Variants in LRP1B observed in about 807,000 individuals in gnomAD.
LRP1B encodes low-density lipoprotein receptor-related protein 1B.
In LRP1B, 217 loss-of-function variants were observed where a neutral mutation model predicts 556.6. The observed-to-expected ratio is 0.39, with a 90% CI of 0.35 to 0.44. LRP1B has a LOEUF of 0.44. LRP1B is among the 20% of genes least tolerant of loss of function. LRP1B has a pLI of 1.00. For synonymous variants in LRP1B, 2,047 were observed against 1,865.8 expected, an observed-to-expected ratio of 1.10 and a Z score of -2.50; for missense variants, 5,053 against 5,620.8, an observed-to-expected ratio of 0.90 and a Z score of 3.23.
At chr2:140,405,291 T>C (rs1002312318) in intron 66 of LRP1B, among the ~76,000 whole-genome samples, 1 of 152,048 alleles carries the variant, frequency 6.6e-6, no homozygotes, top group African/African-American at 2.4e-5. Context: ...CAACCTAATG[T>C]CACACCTCAA....
chr2:141,385,431 G>C (rs888815106), intron 3 of LRP1B, among the ~76,000 whole-genome samples: 1 of 152,172 alleles, frequency 6.6e-6, no homozygotes, highest in Non-Finnish European at 1.5e-5. Flanking sequence ...TTTGGATAAG[G>C]TACACTTAAC....
At chr2:141,473,481 G>A (rs1335965744) in intron 3 of LRP1B, among the ~76,000 whole-genome samples, 1 of 152,072 alleles carries the variant, frequency 6.6e-6, no homozygotes, top group African/African-American at 2.4e-5. Flanking sequence ...GTAGTGTTAA[G>A]GGTCATAGCC....
chr2:141,452,662 A>G (rs1318470004), intron 3 of LRP1B, among the ~76,000 whole-genome samples: 1 of 152,138 alleles, frequency 6.6e-6, no homozygotes, highest in East Asian at 1.9e-4. Flanking sequence ...GGTACCTGCA[A>G]TGTTGTCCAT....
In LRP1B at chr2:141,288,419, A is replaced by T. The variant is rs563475266; in HGVS notation, c.344-33778T>A. ...GCAGTGAAAATGCATATTTCCATCT[A>T]TTAAAATTCCAAATAAGTAAAGTGA... On this transcript the variant is annotated intron_variant, in intron 3 of 90. Coordinates refer to ENST00000389484, the MANE Select transcript of LRP1B (RefSeq NM_018557.3). 5.3e-5 allele frequency among the ~76,000 whole-genome samples: 8 copies of T among 152,264 alleles called. No individual in the cohort carries two copies. In the East Asian group the frequency reaches 1.4e-3, roughly 26 times the overall value.
intron 2 of LRP1B, among the ~76,000 whole-genome samples, chr2:141,793,861 T>C (rs1255967547): frequency 1.3e-5 from 2 of 151,856 alleles, no homozygotes; most frequent in Non-Finnish European, 2.9e-5. Context: ...TATCTGTACA[T>C]AGAGAGGAGT....
At chr2:141,420,679 C>T (rs1680102779) in intron 3 of LRP1B, among the ~76,000 whole-genome samples, 1 of 152,142 alleles carries the variant, frequency 6.6e-6, no homozygotes, top group Non-Finnish European at 1.5e-5. Flanking sequence ...ACATTACATC[C>T]ATACTCCACT....
At chr2:141,553,928 AATATAGTTATATATCTATATTAATAG>A (rs2105234716) in intron 2 of LRP1B, among the ~76,000 whole-genome samples, 1 of 137,886 alleles carries the variant, frequency 7.3e-6, no homozygotes, top group African/African-American at 2.6e-5. Flanking sequence ...TATCTATATT[AATATAGTTATATATCTATATTAATAG>A]ATATAGATTA....
At chr2:141,331,353 T>C (rs1573816383) in intron 3 of LRP1B, among the ~76,000 whole-genome samples, 1 of 152,206 alleles carries the variant, frequency 6.6e-6, no homozygotes, top group Non-Finnish European at 1.5e-5. Context: ...CATGAGCTTC[T>C]TGCTCAATTC....
In LRP1B at chr2:140,266,880, T is replaced by G. The variant is rs1051183657; in HGVS notation, c.13247+3362A>C. Among the ~76,000 whole-genome samples, 3 of 152,166 alleles carry G rather than the reference T, an allele frequency of 2.0e-5. No individual in the cohort carries two copies. In the South Asian group the frequency reaches 6.2e-4, roughly 32 times the overall value. ...TTTAATTTTCTAAAAGCCATTCATC[T>G]TCCTAAAATGAATTTTAAGTTCCTC... is the stretch of plus-strand genomic sequence containing the variant. On this transcript the variant is annotated intron_variant, in intron 86 of 90. Transcript: ENST00000389484.
At chr2:142,070,617 T>G (rs893723578) in intron 1 of LRP1B, among the ~76,000 whole-genome samples, 2 of 151,894 alleles carry the variant, frequency 1.3e-5, no homozygotes, top group African/African-American at 2.4e-5. Flanking sequence ...TCAACTGTCT[T>G]TTACAGCTCA....
At chr2:141,809,663 G>A (rs1384998271) in intron 2 of LRP1B, among the ~76,000 whole-genome samples, 1 of 151,978 alleles carries the variant, frequency 6.6e-6, no homozygotes, top group Non-Finnish European at 1.5e-5. Context: ...ACTATGATTA[G>A]GATTCATGTA....
intron 2 of LRP1B, among the ~76,000 whole-genome samples, chr2:141,695,198 A>G (rs1691692489): frequency 6.6e-6 from 1 of 151,936 alleles, no homozygotes; most frequent in Non-Finnish European, 1.5e-5. Flanking sequence ...TTCCTGCCTC[A>G]GATTTAAATT....
At position 141,415,116 on chromosome 2, in the gene LRP1B, G is replaced by A. The variant is rs554905647; in HGVS notation, c.343+65280C>T. Among the ~76,000 whole-genome samples the A allele has an allele frequency of 1.3e-4, 20 of 152,270 alleles. No individual in the cohort carries two copies. In the East Asian group the frequency reaches 2.5e-3, roughly 19 times the overall value. ...TGCAAACTCCGCCTCCCGGGTTCAC[G>A]CCATTCTCCTGGCTCAGCCTCCCCA... On this transcript the variant is annotated intron_variant, in intron 3 of 90. Coordinates refer to ENST00000389484, the MANE Select transcript of LRP1B (RefSeq NM_018557.3).
intron 3 of LRP1B, among the ~76,000 whole-genome samples, chr2:141,283,529 G>T (rs1204993797): frequency 6.6e-6 from 1 of 151,770 alleles, no homozygotes; most frequent in Non-Finnish European, 1.5e-5. Flanking sequence ...TGAAGGATTA[G>T]GAAACTGACA....
intron 41 of LRP1B, among the ~76,000 whole-genome samples, chr2:140,659,334 T>C (rs1685011015): frequency 6.6e-6 from 1 of 151,934 alleles, no homozygotes; most frequent in South Asian, 2.1e-4. Context: ...CTACCCTGTG[T>C]ACATAAGCGT....
At chr2:142,039,383 G>T (rs540069328) in intron 1 of LRP1B, among the ~76,000 whole-genome samples, 1 of 151,318 alleles carries the variant, frequency 6.6e-6, no homozygotes, top group South Asian at 2.1e-4. Flanking sequence ...ATTATCTCGG[G>T]ACCTTATAGA....
chr2:140,799,022 G>A (rs939279711), intron 32 of LRP1B, among the ~76,000 whole-genome samples: 6 of 152,092 alleles, frequency 3.9e-5, no homozygotes, highest in Non-Finnish European at 5.9e-5. Context: ...CTGCATCACA[G>A]TGGTTAAAAA....
chr2:141,963,827 T>C (rs1006385581), intron 1 of LRP1B, among the ~76,000 whole-genome samples: 2 of 145,932 alleles, frequency 1.4e-5, no homozygotes, highest in African/African-American at 5.2e-5. Flanking sequence ...GACGACATGA[T>C]TGTTTATCTA....
At chr2:140,576,969 C>T (rs574362454) in intron 43 of LRP1B, among the ~76,000 whole-genome samples, 71 of 151,854 alleles carry the variant, frequency 4.7e-4, no homozygotes, top group South Asian at 1.0e-3. Context: ...AAACTGATTC[C>T]TTTTTTTTCA....
Sources: allele counts gnomAD v4.1 joint callset (sites outside exome capture counted in the v4.1 genomes callset), GRCh38; gene constraint gnomAD v4.1.1; transcripts MANE v1.5; gene names NCBI Gene and HGNC (gene_info 2026-07-23, HGNC 2026-07-21).